The following CUX2 variants were observed in gnomAD, a reference collection of about 807,000 sequenced individuals.
The protein encoded by CUX2 is cut like homeobox 2.
Under a neutral mutation model 144.8 loss-of-function variants are expected in CUX2, and 40 were observed. The ratio of observed to expected loss-of-function variants is 0.28; its 90% CI spans 0.21 to 0.36. The LOEUF (loss-of-function observed/expected upper bound fraction) is 0.36. Among genes scored for constraint, CUX2 ranks in the 10% least tolerant of loss-of-function variants. The pLI is 1.00. For missense variants in CUX2, 1,615 were observed against 1,994.0 expected (o/e 0.81, Z 3.62); for synonymous variants, 827 against 875.6 (o/e 0.94, Z 0.98).
At position 111,217,873 on chromosome 12, in the gene CUX2, G is replaced by T. The variant is rs1460991065; in HGVS notation, c.175-17G>T. The stretch of plus-strand genomic sequence containing the variant: ...CACCTGGCACTGTAGTGAACTCTTT[G>T]CTGATCTCTTTTTCAGGAAATCAGA... On this transcript the variant is annotated splice_polypyrimidine_tract_variant and intron_variant, in intron 2 of 21. Coordinates refer to ENST00000261726, the MANE Select transcript of CUX2 (RefSeq NM_015267.4). The T allele has an allele frequency of 6.2e-7, 1 of 1,614,118 alleles. No homozygotes were observed. The highest frequency in any genetic ancestry group is 1.3e-5 in the African/African-American group (1 of 75,048).
intron 1 of CUX2, among the ~76,000 whole-genome samples, chr12:111,197,541 C>A (rs77046851): frequency 1.3e-5 from 2 of 152,198 alleles, no homozygotes; most frequent in African/African-American, 4.8e-5. Context: ...TGGCAAGCAG[C>A]GTGTAGGCAT....
Position 111,347,739 on chromosome 12 carries a change from A to T in CUX2, c.3875A>T (p.Asp1292Val). ...AACAGCACACCCCTGACCACCCAGG[A>T]CAAGGCCCAAGTGAGGATCAAGCAG... ...EENSTPLTTQ[D>V]KAQVRIKQEQ... Residue 1292 changes from aspartate to valine, a missense_variant, in exon 22 of 22, where the codon GAC (aspartate) becomes GTC (valine). Physicochemically the swap from Asp to Val is radical, Grantham distance 152. Coordinates refer to ENST00000261726, the MANE Select transcript of CUX2 (RefSeq NM_015267.4). 1 of 1,613,826 alleles carries T rather than the reference A, an allele frequency of 6.2e-7. No individual in the cohort carries two copies. Among genetic ancestry groups the T allele is most frequent in the South Asian group, 1.1e-5 (1 of 91,042 alleles).
intron 1 of CUX2, among the ~76,000 whole-genome samples, chr12:111,074,730 G>A (rs1282129692): frequency 1.3e-5 from 2 of 152,066 alleles, no homozygotes; most frequent in African/African-American, 4.8e-5. Flanking sequence ...TGGAAGGCCT[G>A]TCATGAGGAA....
chr12:111,297,282 G>C (rs555186735), intron 8 of CUX2, among the ~76,000 whole-genome samples: 67 of 152,078 alleles, frequency 4.4e-4, no homozygotes, highest in Admixed American at 1.2e-3. Context: ...TGATCCTCCA[G>C]GACTTACATC....
chr12:111,153,767 A>T (rs1357354502), intron 1 of CUX2, among the ~76,000 whole-genome samples: 1 of 152,152 alleles, frequency 6.6e-6, no homozygotes, highest in Non-Finnish European at 1.5e-5. Context: ...TCACCCCAGG[A>T]ATGTATCTCA....
chr12:111,271,993 G>A (rs1207686281), intron 4 of CUX2, among the ~76,000 whole-genome samples: 1 of 152,178 alleles, frequency 6.6e-6, no homozygotes, highest in East Asian at 1.9e-4. Flanking sequence ...TTTGCAGAAA[G>A]CAAGAAATCT....
At position 111,034,593 on chromosome 12, in the gene CUX2, C is replaced by T. The variant is rs965398282; in HGVS notation, c.63+353C>T. ...TGGCGGGAACCCCCGGCGGTCCCCC[C>T]TGAGCCGCACTTTGCGCGCCTCCCA... is the stretch of plus-strand genomic sequence containing the variant. On this transcript the variant is annotated intron_variant, in intron 1 of 21. Coordinates refer to ENST00000261726, the MANE Select transcript of CUX2 (RefSeq NM_015267.4). The surrounding 1 kb of genome is among the most constrained non-coding windows in gnomAD (Gnocchi z 4.2). Among the ~76,000 whole-genome samples, 1 of 151,286 alleles carries T rather than the reference C, an allele frequency of 6.6e-6. No homozygotes were observed. The highest frequency in any genetic ancestry group is 2.4e-5 in the African/African-American group (1 of 41,368).
intron 1 of CUX2, among the ~76,000 whole-genome samples, chr12:111,090,116 A>T (rs1872472707): frequency 6.6e-6 from 1 of 152,150 alleles, no homozygotes; most frequent in Non-Finnish European, 1.5e-5. Context: ...CCGGTCCTGG[A>T]GCAGAGTTGT....
intron 3 of CUX2, among the ~76,000 whole-genome samples, chr12:111,238,725 C>A (rs970829829): frequency 6.6e-6 from 1 of 152,286 alleles, no homozygotes; most frequent in Non-Finnish European, 1.5e-5. Flanking sequence ...CATACACACA[C>A]ACACATGAAT....
At chr12:111,340,104 G>A (rs1888515930) in intron 20 of CUX2, among the ~76,000 whole-genome samples, 1 of 152,196 alleles carries the variant, frequency 6.6e-6, no homozygotes, top group Non-Finnish European at 1.5e-5. Flanking sequence ...GCTGAGGCAG[G>A]AGAACCGCTT....
At chr12:111,338,575 A>T (rs149704660) in intron 20 of CUX2, 101 bp downstream of exon 20, 4 of 1,124,894 alleles carry the variant, frequency 3.6e-6, no homozygotes, top group Non-Finnish European at 5.1e-6. Flanking sequence ...CCCATGGTCC[A>T]GTCTCAGCCT....
chr12:111,242,199 C>A (rs1351644106), intron 3 of CUX2, among the ~76,000 whole-genome samples: 1 of 152,238 alleles, frequency 6.6e-6, no homozygotes, highest in Non-Finnish European at 1.5e-5. Context: ...GCATTGAATC[C>A]TGGCCTGATA....
intron 18 of CUX2, among the ~76,000 whole-genome samples, chr12:111,332,496 G>T (rs1168659126): frequency 6.6e-6 from 1 of 152,024 alleles, no homozygotes; most frequent in African/African-American, 2.4e-5. Flanking sequence ...TTCTTTCATT[G>T]CCTCGGAAGA....
chr12:111,202,859 G>T (rs1880679838), intron 1 of CUX2, among the ~76,000 whole-genome samples: 1 of 152,132 alleles, frequency 6.6e-6, no homozygotes, highest in Admixed American at 6.5e-5. Context: ...TGGTATAAGA[G>T]CTAAGCCTCC....
At chr12:111,089,645 G>A (rs1180561214) in intron 1 of CUX2, among the ~76,000 whole-genome samples, 2 of 152,190 alleles carry the variant, frequency 1.3e-5, no homozygotes, top group South Asian at 2.1e-4. Flanking sequence ...AGGCAGCATC[G>A]AAGCTGAGAG....
At chr12:111,093,536 G>A (rs1872652805) in intron 1 of CUX2, among the ~76,000 whole-genome samples, 1 of 151,612 alleles carries the variant, frequency 6.6e-6, no homozygotes, top group South Asian at 2.1e-4. Flanking sequence ...ATAACCCAAC[G>A]CCTGAGTCAC....
At chr12:111,345,001 T>G (rs1440150081) in intron 21 of CUX2, among the ~76,000 whole-genome samples, 2 of 152,094 alleles carry the variant, frequency 1.3e-5, no homozygotes, top group African/African-American at 4.8e-5. Context: ...ACTCCTGACC[T>G]CAAGTGATCC....
Position 111,143,443 on chromosome 12 carries a change from G to A in CUX2, c.64-70757G>A, listed in dbSNP as rs182002171. Among the ~76,000 whole-genome samples the A allele has an allele frequency of 1.0e-3, 153 of 152,264 alleles. 1 individual carries two copies. Among genetic ancestry groups the A allele is most frequent in the African/African-American group, 3.5e-3 (144 of 41,556 alleles). Reference sequence around the variant, plus strand: ...CACGTTGTCATGGCTACACAGGCCCGGGACCCCAGAGACGGGAGTGCAGAA... The same window carrying A: ...CACGTTGTCATGGCTACACAGGCCCAGGACCCCAGAGACGGGAGTGCAGAA... On this transcript the variant is annotated intron_variant, in intron 1 of 21. Coordinates refer to ENST00000261726, the MANE Select transcript of CUX2 (RefSeq NM_015267.4).
chr12:111,207,363 G>T (rs1880977590), intron 1 of CUX2, among the ~76,000 whole-genome samples: 1 of 152,164 alleles, frequency 6.6e-6, no homozygotes. Context: ...TGAGCTCTTG[G>T]AGGATCCAGG....
Sources: allele counts gnomAD v4.1 joint callset (sites outside exome capture counted in the v4.1 genomes callset), GRCh38; gene constraint gnomAD v4.1.1; non-coding constraint Gnocchi (gnomAD v3.1); transcripts MANE v1.5; gene names NCBI Gene and HGNC (gene_info 2026-07-23, HGNC 2026-07-21).